COL14A1: variants seen among roughly 807,000 people sequenced by gnomAD.
The protein encoded by COL14A1 is collagen alpha-1(XIV) chain.
COL14A1 carries 136 observed loss-of-function variants against 230.3 expected under a neutral mutation model. The observed-to-expected ratio is 0.59, with a 90% CI of 0.51 to 0.68. The LOEUF is 0.68. Ranked by LOEUF, COL14A1 falls within the 30% of genes least tolerant of loss-of-function variation. COL14A1 has a pLI of 0.00. For missense variants in COL14A1, 1,976 were observed against 2,215.8 expected (o/e 0.89, Z 2.17); for synonymous variants, 792 against 784.1 (o/e 1.01, Z -0.17).
At chr8:120,206,267 G>A (rs1817427338) in intron 9 of COL14A1, among the ~76,000 whole-genome samples, 1 of 152,148 alleles carries the variant, frequency 6.6e-6, no homozygotes, top group African/African-American at 2.4e-5. Context: ...AGGAACTAGG[G>A]AGAAGTAGAT....
At chr8:120,346,012 T>C (rs1822496681) in intron 45 of COL14A1, among the ~76,000 whole-genome samples, 1 of 152,222 alleles carries the variant, frequency 6.6e-6, no homozygotes, top group Admixed American at 6.5e-5. Context: ...TGGGCAATAG[T>C]CAGTGGCAGT....
At chr8:120,329,255 A>C (rs932179783) in intron 40 of COL14A1, among the ~76,000 whole-genome samples, 1 of 152,130 alleles carries the variant, frequency 6.6e-6, no homozygotes, top group Admixed American at 6.6e-5. Context: ...TTCATCCGTC[A>C]CATACTCTGA....
intron 19 of COL14A1, among the ~76,000 whole-genome samples, chr8:120,237,295 G>C (rs541706581): frequency 1.3e-3 from 205 of 152,206 alleles, no homozygotes; most frequent in African/African-American, 4.8e-3. Flanking sequence ...TTTCTTGGAG[G>C]CTTTGTTCAT....
intron 2 of COL14A1, among the ~76,000 whole-genome samples, chr8:120,155,342 A>C (rs1280905978): frequency 6.6e-6 from 1 of 152,172 alleles, no homozygotes; most frequent in African/African-American, 2.4e-5. Flanking sequence ...TCTTGGTTCT[A>C]GAACACCATC....
At chr8:120,238,455 C>T (rs1375696277) in intron 19 of COL14A1, among the ~76,000 whole-genome samples, 1 of 152,094 alleles carries the variant, frequency 6.6e-6, no homozygotes, top group East Asian at 1.9e-4. Context: ...GACACCCCTC[C>T]CCCCACCAAG....
chr8:120,173,676 A>G (rs1055865176), intron 5 of COL14A1, among the ~76,000 whole-genome samples: 2 of 151,326 alleles, frequency 1.3e-5, no homozygotes, highest in Non-Finnish European at 2.9e-5. Context: ...CTATCTATCT[A>G]TCTATCTATC....
chr8:120,349,167 C>T (rs1469405575), intron 45 of COL14A1, among the ~76,000 whole-genome samples: 1 of 152,026 alleles, frequency 6.6e-6, no homozygotes, highest in Non-Finnish European at 1.5e-5. Context: ...AGACCTGCAG[C>T]TGAGGGTCCT....
intron 1 of COL14A1, among the ~76,000 whole-genome samples, chr8:120,137,156 T>C (rs1244969408): frequency 6.6e-6 from 1 of 152,106 alleles, no homozygotes; most frequent in Non-Finnish European, 1.5e-5. Flanking sequence ...GATATAGGGC[T>C]ATTTGGGTTT....
chr8:120,155,033 C>A (rs1448437446), intron 2 of COL14A1, among the ~76,000 whole-genome samples: 1 of 152,080 alleles, frequency 6.6e-6, no homozygotes, highest in Non-Finnish European at 1.5e-5. Flanking sequence ...AGCATTTCTT[C>A]TTTTCAATAT....
chr8:120,130,836 T>C (rs1326008953), intron 1 of COL14A1, among the ~76,000 whole-genome samples: 1 of 152,176 alleles, frequency 6.6e-6, no homozygotes, highest in Non-Finnish European at 1.5e-5. Context: ...GTGAGCATAG[T>C]ACCCAAAAGG....
At chr8:120,253,172 G>T (rs1407701689) in intron 22 of COL14A1, among the ~76,000 whole-genome samples, 1 of 152,202 alleles carries the variant, frequency 6.6e-6, no homozygotes, top group Admixed American at 6.5e-5. Flanking sequence ...ACCATGCATG[G>T]CTAATTTTCT....
chr8:120,311,341 G>A (rs6469914), intron 37 of COL14A1, among the ~76,000 whole-genome samples: 79,307 of 151,970 alleles, frequency 0.52, 22,447 homozygotes, highest in African/African-American at 0.76. Context: ...CCTCTTCCCA[G>A]TGCCTCTATC....
At chr8:120,238,348 T>G (rs1212318877) in intron 19 of COL14A1, among the ~76,000 whole-genome samples, 5 of 152,256 alleles carry the variant, frequency 3.3e-5, no homozygotes, top group African/African-American at 1.2e-4. Flanking sequence ...TACAGTGGTT[T>G]TGTGGTGCTG....
At chr8:120,229,509 CATT>C (rs981968054) in intron 18 of COL14A1, among the ~76,000 whole-genome samples, 64 of 152,124 alleles carry the variant, frequency 4.2e-4, no homozygotes, top group African/African-American at 1.4e-3. Context: ...TCCAGTCTAT[CATT>C]GTTGGACATT....
intron 40 of COL14A1, 22 bp from the exon 41 acceptor site, chr8:120,332,119 A>G (rs1821890423): frequency 6.2e-7 from 1 of 1,613,266 alleles, no homozygotes. Flanking sequence ...ACTTGCTGAC[A>G]TGCTGTGTTT....
intron 26 of COL14A1, among the ~76,000 whole-genome samples, chr8:120,275,234 A>G (rs1470854507): frequency 1.3e-5 from 2 of 151,842 alleles, no homozygotes; most frequent in Non-Finnish European, 2.9e-5. Flanking sequence ...TCAAAAACAT[A>G]AATTGGGGAA....
At chr8:120,295,644 G>C (rs1289440219) in intron 34 of COL14A1, among the ~76,000 whole-genome samples, 1 of 151,284 alleles carries the variant, frequency 6.6e-6, no homozygotes, top group African/African-American at 2.4e-5. Flanking sequence ...TACTTTTTTG[G>C]CCTTTGTATT....
intron 25 of COL14A1, among the ~76,000 whole-genome samples, chr8:120,268,005 GA>G: frequency 6.6e-6 from 1 of 151,902 alleles, no homozygotes; most frequent in South Asian, 2.1e-4. Context: ...ATAAGTTGTT[GA>G]GAGCTTAAAG....
chr8:120,330,460 A>G (rs901031869), intron 40 of COL14A1, among the ~76,000 whole-genome samples: 1 of 152,202 alleles, frequency 6.6e-6, no homozygotes, highest in African/African-American at 2.4e-5. Context: ...AGAGGAGGAA[A>G]GTGACATCTT....
Sources: gnomAD v4.1 joint callset for allele counts (sites outside exome capture counted in the v4.1 genomes callset) on GRCh38, gnomAD v4.1.1 for gene constraint, MANE v1.5 for transcripts, NCBI Gene and HGNC (gene_info 2026-07-23, HGNC 2026-07-21) for gene names.